The following SGMS1 variants were observed in gnomAD, a reference collection of about 807,000 sequenced individuals.
SGMS1 encodes the protein sphingomyelin synthase 1.
In SGMS1, 13 loss-of-function variants were observed where a neutral mutation model predicts 46.2. That is an observed-to-expected ratio of 0.28 (90% CI 0.18 to 0.45). SGMS1 has a LOEUF of 0.45. Ranked by LOEUF, SGMS1 falls within the 20% of genes least tolerant of loss-of-function variation. SGMS1 has a pLI of 1.00. For missense variants in SGMS1, 324 were observed against 519.9 expected (o/e 0.62, Z 3.66); for synonymous variants, 203 against 187.8 (o/e 1.08, Z -0.66).
chr10:50,623,957 G>A (rs1468393186), upstream of SGMS1: 8 of 985,684 alleles, frequency 8.1e-6, no homozygotes, highest in Non-Finnish European at 9.6e-6. Context: ...CTCCCGGGCT[G>A]CCGAGCATGC....
At chr10:50,493,800 T>C (rs1837587064) in intron 3 of SGMS1, among the ~76,000 whole-genome samples, 1 of 152,014 alleles carries the variant, frequency 6.6e-6, no homozygotes, top group Admixed American at 6.6e-5. Context: ...GCTATTATTT[T>C]CCATTTTGTT....
chr10:50,466,705 C>G (rs1413401818), intron 4 of SGMS1, among the ~76,000 whole-genome samples, 185 bp downstream of exon 4: 1 of 152,038 alleles, frequency 6.6e-6, no homozygotes, highest in East Asian at 1.9e-4. Flanking sequence ...CATACTTGTT[C>G]AAAATATGTA....
chr10:50,429,742 T>G (rs1203425), intron 6 of SGMS1, among the ~76,000 whole-genome samples: 15 of 3,636 alleles, frequency 4.1e-3, no homozygotes, highest in Admixed American at 0.03. Context: ...CACACACACA[T>G]ACTCTTTTCT....
chr10:50,387,998 G>C (rs1848706822), intron 6 of SGMS1, among the ~76,000 whole-genome samples: 1 of 152,138 alleles, frequency 6.6e-6, no homozygotes, highest in East Asian at 1.9e-4. Context: ...CTGCATTTAG[G>C]TACAGTTCAC....
At chr10:50,483,118 C>T (rs745401840) in intron 3 of SGMS1, among the ~76,000 whole-genome samples, 3 of 152,188 alleles carry the variant, frequency 2.0e-5, no homozygotes, top group Non-Finnish European at 4.4e-5. Flanking sequence ...CTCGCTCTAT[C>T]GCCCAGGCTG....
chr10:50,524,208 C>G (rs1837879945), intron 2 of SGMS1, among the ~76,000 whole-genome samples: 1 of 152,178 alleles, frequency 6.6e-6, no homozygotes, highest in African/African-American at 2.4e-5. Context: ...TTTCACAGAT[C>G]ACAATGTCTC....
intron 5 of SGMS1, among the ~76,000 whole-genome samples, chr10:50,447,256 C>A (rs566514662): frequency 1.3e-5 from 2 of 152,222 alleles, no homozygotes; most frequent in South Asian, 2.1e-4. Flanking sequence ...ATACTAAATT[C>A]CTACTATAAT....
At chr10:50,473,767 G>A (rs1005371623) in intron 3 of SGMS1, among the ~76,000 whole-genome samples, 3 of 152,172 alleles carry the variant, frequency 2.0e-5, no homozygotes, top group African/African-American at 7.2e-5. Context: ...CATATTCTCA[G>A]GCCCAGTTGT....
At chr10:50,311,718 A>G (rs1847256263) in intron 8 of SGMS1, among the ~76,000 whole-genome samples, 1 of 152,238 alleles carries the variant, frequency 6.6e-6, no homozygotes, top group South Asian at 2.1e-4. Context: ...CAGTACTTCT[A>G]TCTGACTGAC....
intron 5 of SGMS1, among the ~76,000 whole-genome samples, chr10:50,452,226 T>A (rs995297372): frequency 2.0e-5 from 3 of 152,016 alleles, no homozygotes; most frequent in Non-Finnish European, 4.4e-5. Context: ...ATAAATAATA[T>A]CTCCAAGACA....
At chr10:50,508,698 C>T (rs12267134) in intron 3 of SGMS1, among the ~76,000 whole-genome samples, 7 of 152,216 alleles carry the variant, frequency 4.6e-5, no homozygotes, top group African/African-American at 9.6e-5. Context: ...ATTCTCTATA[C>T]CTTTTGGACC....
chr10:50,309,151 G>A (rs1055960658), intron 9 of SGMS1, among the ~76,000 whole-genome samples: 2 of 152,140 alleles, frequency 1.3e-5, no homozygotes, highest in African/African-American at 4.8e-5. Context: ...AGCTGGATAA[G>A]GGGGATCAGA....
intron 6 of SGMS1, among the ~76,000 whole-genome samples, chr10:50,386,536 C>A (rs886854095): frequency 1.3e-5 from 2 of 152,182 alleles, no homozygotes; most frequent in Non-Finnish European, 2.9e-5. Context: ...AAGTGGGAAC[C>A]TGTATGCTGC....
intron 5 of SGMS1, among the ~76,000 whole-genome samples, chr10:50,455,903 A>C (rs1013133037): frequency 6.6e-6 from 1 of 152,150 alleles, no homozygotes; most frequent in Non-Finnish European, 1.5e-5. Flanking sequence ...TTCTACCACC[A>C]ATGCTTGTAA....
intron 5 of SGMS1, among the ~76,000 whole-genome samples, chr10:50,439,088 T>G (rs10825995): frequency 0.31 from 47,586 of 152,108 alleles, 7,650 homozygotes; most frequent in Middle Eastern, 0.39. Context: ...ATAAAACATG[T>G]TCCAAGAGAC....
At chr10:50,614,163 G>T (rs1250861188) in intron 1 of SGMS1, among the ~76,000 whole-genome samples, 3 of 150,636 alleles carry the variant, frequency 2.0e-5, no homozygotes, top group East Asian at 3.9e-4. Flanking sequence ...AAAAATAAAT[G>T]AGGCCATCTT....
chr10:50,437,743 T>C (rs537890730), intron 5 of SGMS1, among the ~76,000 whole-genome samples: 79 of 152,312 alleles, frequency 5.2e-4, no homozygotes, highest in Middle Eastern at 3.4e-3. Context: ...GATGGTATAG[T>C]GAAAGTGACC....
intron 3 of SGMS1, among the ~76,000 whole-genome samples, chr10:50,507,775 C>T (rs752669924): frequency 5.3e-5 from 8 of 152,216 alleles, no homozygotes; most frequent in Admixed American, 6.5e-5. Flanking sequence ...AGCAATTACA[C>T]GCACTTAGTG....
At chr10:50,581,703 C>T (rs1246470520) in intron 2 of SGMS1, among the ~76,000 whole-genome samples, 1 of 152,172 alleles carries the variant, frequency 6.6e-6, no homozygotes, top group Non-Finnish European at 1.5e-5. Context: ...GAATAAGTAG[C>T]TAATCCCTTT....
Sources: gnomAD v4.1 joint callset for allele counts (sites outside exome capture counted in the v4.1 genomes callset) on GRCh38, gnomAD v4.1.1 for gene constraint, MANE v1.5 for transcripts, NCBI Gene and HGNC (gene_info 2026-07-23, HGNC 2026-07-21) for gene names.